The following GPC6 variants were observed in gnomAD, a reference collection of about 807,000 sequenced individuals.
GPC6 encodes the protein glypican-6.
Under a neutral mutation model 55.2 loss-of-function variants are expected in GPC6, and 14 were observed. That is an observed-to-expected ratio of 0.25 (90% CI 0.17 to 0.40). The LOEUF is 0.40. GPC6 is among the 10% of genes least tolerant of loss of function. The probability of loss-of-function intolerance (pLI) is 1.00; values close to 1 mark genes in which losing one functional copy is unlikely to be tolerated. For missense variants in GPC6, 641 were observed against 708.5 expected (o/e 0.90, Z 1.08); for synonymous variants, 278 against 259.6 (o/e 1.07, Z -0.68).
At chr13:93,688,836 G>A (rs1005573139) in intron 2 of GPC6, among the ~76,000 whole-genome samples, 4 of 151,940 alleles carry the variant, frequency 2.6e-5, no homozygotes, top group Non-Finnish European at 5.9e-5. Context: ...AGTTCTAGAA[G>A]TAGATAGAAG....
At chr13:93,901,552 GA>G (rs373156127) in intron 3 of GPC6, among the ~76,000 whole-genome samples, 23 of 152,134 alleles carry the variant, frequency 1.5e-4, no homozygotes, top group Non-Finnish European at 2.9e-4. Flanking sequence ...TCAACTGGAT[GA>G]AAACTGGGTA....
intron 2 of GPC6, among the ~76,000 whole-genome samples, chr13:93,733,430 A>G (rs9524182): frequency 0.19 from 29,056 of 151,736 alleles, 3,612 homozygotes; most frequent in Non-Finnish European, 0.26. Flanking sequence ...TCACAAGATT[A>G]TCTTTAGAAA....
chr13:93,691,155 A>T, intron 2 of GPC6, among the ~76,000 whole-genome samples: 1 of 152,182 alleles, frequency 6.6e-6, no homozygotes, highest in South Asian at 2.1e-4. Context: ...TTCAATAAGA[A>T]CACAAGTAAT....
At chr13:93,957,787 A>G (rs1270958161) in intron 3 of GPC6, among the ~76,000 whole-genome samples, 1 of 152,176 alleles carries the variant, frequency 6.6e-6, no homozygotes, top group Non-Finnish European at 1.5e-5. Context: ...ATGTTCTTTG[A>G]GAAATCTCCA....
chr13:93,350,467 T>A (rs534580599), intron 1 of GPC6, among the ~76,000 whole-genome samples: 1 of 152,126 alleles, frequency 6.6e-6, no homozygotes, highest in Non-Finnish European at 1.5e-5. Context: ...TTAAATGTCT[T>A]AGTAGCTATG....
intron 2 of GPC6, among the ~76,000 whole-genome samples, chr13:93,559,789 T>C (rs1408405510): frequency 6.6e-6 from 1 of 152,220 alleles, no homozygotes; most frequent in Non-Finnish European, 1.5e-5. Context: ...ATGGAGTGAA[T>C]ACACAGTAGC....
chr13:94,272,314 G>C (rs1414610744), intron 4 of GPC6, among the ~76,000 whole-genome samples: 1 of 151,792 alleles, frequency 6.6e-6, no homozygotes, highest in Non-Finnish European at 1.5e-5. Flanking sequence ...GGGGCGATTT[G>C]GTTTATTAAC....
chr13:93,851,180 A>G (rs1888381131), intron 3 of GPC6, among the ~76,000 whole-genome samples: 1 of 151,974 alleles, frequency 6.6e-6, no homozygotes, highest in Non-Finnish European at 1.5e-5. Context: ...CTGTATGCCT[A>G]ATGGATTTCC....
At chr13:93,742,764 A>G (rs1385071255) in intron 2 of GPC6, among the ~76,000 whole-genome samples, 3 of 152,214 alleles carry the variant, frequency 2.0e-5, no homozygotes, top group Non-Finnish European at 4.4e-5. Context: ...GAAAATTAAT[A>G]AAATGGTGAC....
chr13:93,890,678 C>A (rs1042249173), intron 3 of GPC6, among the ~76,000 whole-genome samples: 1 of 150,228 alleles, frequency 6.7e-6, no homozygotes, highest in Non-Finnish European at 1.5e-5. Context: ...AAGCATATTA[C>A]AAATGTGAAT....
chr13:93,626,284 C>T (rs7996906), intron 2 of GPC6, among the ~76,000 whole-genome samples: 2,756 of 152,232 alleles, frequency 0.018, 69 homozygotes, highest in African/African-American at 0.061. Context: ...GATTTCAAGA[C>T]GGCCACAGCA....
intron 3 of GPC6, among the ~76,000 whole-genome samples, chr13:93,877,210 A>G (rs1170040477): frequency 1.3e-5 from 2 of 152,082 alleles, no homozygotes; most frequent in Non-Finnish European, 2.9e-5. Flanking sequence ...TTAGAGGAAG[A>G]AGAATTTATT....
chr13:94,096,235 C>T (rs886488719), intron 4 of GPC6, among the ~76,000 whole-genome samples: 2 of 151,356 alleles, frequency 1.3e-5, no homozygotes, highest in African/African-American at 4.8e-5. Context: ...CTGAGAAAAA[C>T]AATTTTTAGT....
At chr13:93,321,620 G>A (rs1566297950) in intron 1 of GPC6, among the ~76,000 whole-genome samples, 1 of 152,138 alleles carries the variant, frequency 6.6e-6, no homozygotes, top group Non-Finnish European at 1.5e-5. Context: ...CTTAGAATGT[G>A]TTTATTTTAA....
intron 2 of GPC6, among the ~76,000 whole-genome samples, chr13:93,637,334 C>G (rs1197497775): frequency 6.6e-6 from 1 of 152,092 alleles, no homozygotes. Context: ...ATTTGAGCCT[C>G]CTCATTCCCT....
At chr13:94,141,793 A>G (rs1887386870) in intron 4 of GPC6, among the ~76,000 whole-genome samples, 2 of 152,236 alleles carry the variant, frequency 1.3e-5, no homozygotes, top group Admixed American at 1.3e-4. Flanking sequence ...CATTGAGAAT[A>G]TGCACTGAAT....
intron 2 of GPC6, among the ~76,000 whole-genome samples, chr13:93,823,298 A>T (rs536209083): frequency 6.6e-6 from 1 of 152,204 alleles, no homozygotes; most frequent in Non-Finnish European, 1.5e-5. Context: ...TGGTCTGAAA[A>T]TTTGACTTAG....
At chr13:94,276,792 G>A (rs977323411) in intron 4 of GPC6, among the ~76,000 whole-genome samples, 2 of 152,168 alleles carry the variant, frequency 1.3e-5, no homozygotes, top group African/African-American at 2.4e-5. Flanking sequence ...TGACTGCATA[G>A]TATTCCATGG....
Position 93,676,154 on chromosome 13 carries a change from T to A in GPC6, c.319+130733T>A, listed in dbSNP as rs1334059690. 7.6e-3 allele frequency among the ~76,000 whole-genome samples: 134 copies of A among 17,634 alleles called. 5 individuals carry two copies. Among genetic ancestry groups the A allele is most frequent in the Non-Finnish European group, 0.044 (114 of 2,580 alleles). The allele number at this position is 17,634 out of a possible 152,430, so 11.6% of individuals were successfully genotyped here. A position where few individuals can be genotyped will look rare whatever the true frequency, so the allele number is the denominator to read the frequency against. On this transcript the variant is annotated intron_variant, in intron 2 of 8. Coordinates refer to ENST00000377047, the MANE Select transcript of GPC6 (RefSeq NM_005708.5). ...ATATATATATATATATATATATATA[T>A]ATATATATATATATACATACACACA...
Sources: allele counts gnomAD v4.1 joint callset (sites outside exome capture counted in the v4.1 genomes callset), GRCh38; gene constraint gnomAD v4.1.1; transcripts MANE v1.5; gene names NCBI Gene and HGNC (gene_info 2026-07-23, HGNC 2026-07-21).